The following PRRC1 variants were observed in gnomAD, a reference collection of about 807,000 sequenced individuals.
PRRC1 encodes the protein protein PRRC1.
Under a neutral mutation model 40.7 loss-of-function variants are expected in PRRC1, and 39 were observed. The observed-to-expected ratio is 0.96, with a 90% CI of 0.74 to 1.25. The LOEUF (loss-of-function observed/expected upper bound fraction) is 1.25, where lower values mean the gene tolerates loss of function less well. PRRC1 is among the 50% of genes most tolerant of loss of function. The pLI, the probability that PRRC1 is intolerant of heterozygous loss-of-function variation, is 0.00. For missense variants in PRRC1, 573 were observed against 548.3 expected (o/e 1.05, Z -0.45); for synonymous variants, 175 against 193.3 (o/e 0.91, Z 0.79).
At position 127,552,465 on chromosome 5, in the gene PRRC1, T is replaced by C. The variant is rs1014712675; in HGVS notation, c.*549T>C. ...ATTTCTGTGCATGTTTTCAGTAATATGGGCCAAAATAATGGAATTGATTAT... is the reference window on the plus strand; with the variant it reads ...ATTTCTGTGCATGTTTTCAGTAATACGGGCCAAAATAATGGAATTGATTAT... On this transcript the variant is annotated 3_prime_UTR_variant, in exon 9 of 9. Coordinates refer to ENST00000296666, the MANE Select transcript of PRRC1 (RefSeq NM_130809.5). The C allele has an allele frequency of 4.1e-6, 4 of 986,854 alleles. No individual in the cohort carries two copies. The highest frequency in any genetic ancestry group is 9.4e-5 in the South Asian group (2 of 21,362). The allele number at this position is 986,854 out of a possible 1,614,324, so 61.1% of individuals were successfully genotyped here.
intron 7 of PRRC1, 114 bp from the exon 8 acceptor site, chr5:127,547,705 T>G (rs1768265344): frequency 1.7e-6 from 1 of 574,038 alleles, no homozygotes; most frequent in Non-Finnish European, 2.9e-6. Context: ...AGAAAAAGAT[T>G]TCCTTTTTGA....
chr5:127,547,573 G>A (rs1474533351), intron 7 of PRRC1, among the ~76,000 whole-genome samples: 2 of 151,990 alleles, frequency 1.3e-5, no homozygotes, highest in Non-Finnish European at 2.9e-5. Flanking sequence ...TGGAGAGGAA[G>A]CTTTCCATGA....
At chr5:127,525,953 T>TA (rs1767603637) in intron 3 of PRRC1, among the ~76,000 whole-genome samples, 1 of 152,174 alleles carries the variant, frequency 6.6e-6, no homozygotes, top group Non-Finnish European at 1.5e-5. Flanking sequence ...CAGAAACAAA[T>TA]AAAACCTCAT....
chr5:127,547,907 G>A lies in PRRC1; in HGVS notation c.1114G>A (p.Glu372Lys). 6.2e-7 allele frequency: 1 copy of A among 1,612,480 alleles called. No homozygotes were observed. Among genetic ancestry groups the A allele is most frequent in the East Asian group, 2.2e-5 (1 of 44,842 alleles). ...TACACAAGCCACACCAGTGCCTTTG[G>A]AATTTGTACAGCAGGTTGGTTTTCT... ...TFTQATPVPL[E>K]FVQQAQSLTP... Residue 372 changes from glutamate to lysine, a missense_variant, in exon 8 of 9, where the codon GAA becomes AAA. By Grantham distance (56) the Glu-to-Lys change is moderately conservative (BLOSUM62 1). Coordinates refer to ENST00000296666, the MANE Select transcript of PRRC1 (RefSeq NM_130809.5).
At chr5:127,548,138 A>G (rs958275456) in intron 8 of PRRC1, 2 of 604,230 alleles carry the variant, frequency 3.3e-6, no homozygotes, top group Non-Finnish European at 5.8e-6. Flanking sequence ...TTGAAAGGTA[A>G]TACATTACAT....
Position 127,552,675 on chromosome 5 carries a change from A to C in PRRC1, c.*759A>C, listed in dbSNP as rs1216369207. On this transcript the variant is annotated 3_prime_UTR_variant, in exon 9 of 9. Coordinates refer to ENST00000296666, the MANE Select transcript of PRRC1 (RefSeq NM_130809.5). ...AGTATATTTTAAATCAGAAGTATTC[A>C]AATTATTTTTGTATAATACTGTTCA... 4.1e-6 allele frequency: 4 copies of C among 982,146 alleles called. No individual in the cohort carries two copies. Among genetic ancestry groups the C allele is most frequent in the African/African-American group, 1.8e-5 (1 of 57,132 alleles). 60.8% of individuals were successfully genotyped at this position (982,146 alleles called of 1,614,324 possible). A position where few individuals can be genotyped will look rare whatever the true frequency, so the allele number is the denominator to read the frequency against.
At chr5:127,541,583 TC>T (rs1352508965) in intron 7 of PRRC1, among the ~76,000 whole-genome samples, 1 of 152,204 alleles carries the variant, frequency 6.6e-6, no homozygotes, top group African/African-American at 2.4e-5. Context: ...AGATTCAACT[TC>T]TTCCTGGTTT....
At chr5:127,523,799 T>C in intron 2 of PRRC1, 1 of 396,210 alleles carries the variant, frequency 2.5e-6, no homozygotes, top group East Asian at 3.9e-5. Context: ...GGACTTTTGT[T>C]CTTTATGTTC....
In PRRC1 at chr5:127,539,095, A is replaced by G. The variant is rs1767971833; in HGVS notation, c.977A>G (p.Gln326Arg). The change falls in exon 7 of 9, where the codon CAG (glutamine) becomes CGG (arginine). Residue 326 changes from glutamine (Q) to arginine (R), a missense_variant. Coordinates refer to ENST00000296666, the MANE Select transcript of PRRC1 (RefSeq NM_130809.5). ...CGAACTGGGGTGATCCATGAAAAAC[A>G]GACAGCTGTGTCAGTAGAAAACTTC... The part of the protein sequence containing the change: ...LRRTGVIHEK[Q>R]TAVSVENFIA... 1 of 1,613,084 alleles carries G rather than the reference A, an allele frequency of 6.2e-7. No individual in the cohort carries two copies. Among genetic ancestry groups the G allele is most frequent in the Non-Finnish European group, 8.5e-7 (1 of 1,179,118 alleles).
chr5:127,552,184 A>T lies in PRRC1; in HGVS notation c.*268A>T. 1.7e-6 allele frequency: 2 copies of T among 1,192,900 alleles called. No homozygotes were observed. Among genetic ancestry groups the T allele is most frequent in the Non-Finnish European group, 2.1e-6 (2 of 958,218 alleles). The allele number at this position is 1,192,900 out of a possible 1,614,324, so 73.9% of individuals were successfully genotyped here. On this transcript the variant is annotated 3_prime_UTR_variant, in exon 9 of 9. Coordinates refer to ENST00000296666, the MANE Select transcript of PRRC1 (RefSeq NM_130809.5). The stretch of plus-strand genomic sequence containing the variant: ...ATCTATTTACAGCACAATTTAATAT[A>T]CCAGATTTATAAGGTGGAAATTCAT...
In PRRC1 at chr5:127,553,631, CCTTA is replaced by C. The variant is rs1291512957; in HGVS notation, c.*1720_*1723del. The C allele has an allele frequency of 6.4e-6, 9 of 1,398,568 alleles. No individual in the cohort carries two copies. Among genetic ancestry groups the C allele is most frequent in the Admixed American group, 2.9e-5 (1 of 34,558 alleles). The allele number at this position is 1,398,568 out of a possible 1,614,324, so 86.6% of individuals were successfully genotyped here. On this transcript the variant is annotated 3_prime_UTR_variant, in exon 9 of 9. Coordinates refer to ENST00000296666, the MANE Select transcript of PRRC1 (RefSeq NM_130809.5). ...CATTACAGACTGAAGGGAAGCATGT[CCTTA>C]CTTAAAATAGTTCTGCTACTTTCCC...
chr5:127,548,016 T>C lies in PRRC1; in HGVS notation c.1128+95T>C, dbSNP rs991732889. On this transcript the variant is annotated intron_variant, in intron 8 of 8. Transcript: ENST00000296666. ...TTGTTCGGTTTTTTTGTTAGAAATATGTTCTTGATTTTGTTTCAGTCATTT... is the reference window on the plus strand; with the variant it reads ...TTGTTCGGTTTTTTTGTTAGAAATACGTTCTTGATTTTGTTTCAGTCATTT... 4 of 841,246 alleles carry C rather than the reference T, an allele frequency of 4.8e-6. No homozygotes were observed. The African/African-American group carries it at 6.7e-5, about 14-fold the overall frequency. 52.1% of individuals were successfully genotyped at this position (841,246 alleles called of 1,614,324 possible).
rs1580959252 is a variant in PRRC1, at chr5:127,554,111, C to G, written c.*2195C>G. ...AAAAGGGGCAAGAAAAGTAACTCAT[C>G]ATCTCTAACACACCATGGCAGCTTA... On this transcript the variant is annotated 3_prime_UTR_variant, in exon 9 of 9. Coordinates refer to ENST00000296666, the MANE Select transcript of PRRC1 (RefSeq NM_130809.5). 1 of 483,048 alleles carries G rather than the reference C, an allele frequency of 2.1e-6. No homozygotes were observed. 29.9% of individuals were successfully genotyped at this position (483,048 alleles called of 1,614,324 possible).
At position 127,552,890 on chromosome 5, in the gene PRRC1, G is replaced by GTCT; in HGVS notation, c.*976_*978dup. The GTCT allele has an allele frequency of 1.0e-6, 1 of 961,446 alleles. No individual in the cohort carries two copies. The allele number at this position is 961,446 out of a possible 1,614,324, so 59.6% of individuals were successfully genotyped here. A position where few individuals can be genotyped will look rare whatever the true frequency, so the allele number is the denominator to read the frequency against. On this transcript the variant is annotated 3_prime_UTR_variant, in exon 9 of 9. Transcript: ENST00000296666. ...TACTTTTTTAACTTTGTGCCATTTG[G>GTCT]TCTTTACTTTTTATGGATGTTTTCA...
Position 127,551,803 on chromosome 5 carries a change from C to T in PRRC1, c.1225C>T (p.Arg409Trp), listed in dbSNP as rs148144742. 7.7e-5 allele frequency: 124 copies of T among 1,613,940 alleles called. No homozygotes were observed. Among genetic ancestry groups the T allele is most frequent in the Non-Finnish European group, 9.1e-5 (107 of 1,180,000 alleles). ...VLEKSLLNVSRTDWHMAFTGM... is the reference protein window; with the variant it reads ...VLEKSLLNVSWTDWHMAFTGM... ...GGAAAAGAGTTTACTGAATGTCAGC[C>T]GGACTGATTGGCACATGGCATTTAC... The change falls in exon 9 of 9, where the codon CGG (arginine) becomes TGG (tryptophan). Residue 409 changes from arginine to tryptophan, a missense_variant. By Grantham distance (101) the Arg-to-Trp change is moderately radical. Coordinates refer to ENST00000296666, the MANE Select transcript of PRRC1 (RefSeq NM_130809.5).
chr5:127,532,900 A>G (rs1390860602), intron 5 of PRRC1, among the ~76,000 whole-genome samples: 1 of 152,206 alleles, frequency 6.6e-6, no homozygotes, highest in African/African-American at 2.4e-5. Context: ...CTTTGAATTC[A>G]TTATATCACA....
intron 5 of PRRC1, among the ~76,000 whole-genome samples, chr5:127,533,017 T>C (rs960955238): frequency 2.6e-5 from 4 of 152,148 alleles, no homozygotes; most frequent in Admixed American, 1.3e-4. Context: ...ATTAAAAATA[T>C]TTGAAAATAT....
At chr5:127,541,306 G>T (rs1768039141) in intron 7 of PRRC1, among the ~76,000 whole-genome samples, 2 of 152,216 alleles carry the variant, frequency 1.3e-5, no homozygotes, top group African/African-American at 4.8e-5. Context: ...TTGCATCCAT[G>T]TTCATCAAGG....
intron 1 of PRRC1, 89 bp from the exon 2 acceptor site, chr5:127,523,371 G>T: frequency 1.7e-6 from 1 of 575,236 alleles, no homozygotes; most frequent in South Asian, 3.1e-5. Context: ...ATCTCTTGAT[G>T]ATTTTTTTTT....
Sources: gnomAD v4.1 joint callset for allele counts (sites outside exome capture counted in the v4.1 genomes callset) on GRCh38, gnomAD v4.1.1 for gene constraint, MANE v1.5 for transcripts, NCBI Gene and HGNC (gene_info 2026-07-23, HGNC 2026-07-21) for gene names.